Variants in PTGFRN observed in about 807,000 individuals in gnomAD.
PTGFRN encodes the protein prostaglandin F2 receptor negative regulator.
In PTGFRN, 35 loss-of-function variants were observed where a neutral mutation model predicts 83.2. The ratio of observed to expected loss-of-function variants is 0.42; its 90% CI spans 0.32 to 0.56. PTGFRN has a LOEUF of 0.56. Ranked by LOEUF, PTGFRN falls within the 20% of genes least tolerant of loss-of-function variation. PTGFRN has a pLI of 0.11. For synonymous variants in PTGFRN, 519 were observed against 498.6 expected (o/e 1.04, Z -0.55); for missense variants, 1,051 against 1,179.5 (o/e 0.89, Z 1.60).
At chr1:116,954,140 G>T (rs923907751) in intron 4 of PTGFRN, among the ~76,000 whole-genome samples, 1 of 151,990 alleles carries the variant, frequency 6.6e-6, no homozygotes, top group African/African-American at 2.4e-5. Context: ...TTACAGGTGT[G>T]AGCCACCGTG....
At chr1:116,930,693 A>G (rs1649772250) in intron 1 of PTGFRN, among the ~76,000 whole-genome samples, 1 of 151,836 alleles carries the variant, frequency 6.6e-6, no homozygotes, top group Non-Finnish European at 1.5e-5. Context: ...CCTTGTTTTC[A>G]TTATTATTAC....
chr1:116,921,595 T>C (rs895780945), intron 1 of PTGFRN, among the ~76,000 whole-genome samples: 1 of 151,902 alleles, frequency 6.6e-6, no homozygotes, highest in Non-Finnish European at 1.5e-5. Flanking sequence ...CAACTTTACT[T>C]TTCAATACAG....
chr1:116,914,996 C>G (rs1225313042), intron 1 of PTGFRN, among the ~76,000 whole-genome samples: 2 of 152,172 alleles, frequency 1.3e-5, no homozygotes, highest in Non-Finnish European at 2.9e-5. Context: ...GAGAAAGTCA[C>G]TATTTTGTCT....
At position 116,944,997 on chromosome 1, in the gene PTGFRN, G is replaced by GGTGTATCGTCAGCGA. The variant is rs1553179611; in HGVS notation, c.741_755dup (p.Cys247_Glu251dup). 1 of 1,613,792 alleles carries GGTGTATCGTCAGCGA rather than the reference G, an allele frequency of 6.2e-7. No homozygotes were observed. Among genetic ancestry groups the GGTGTATCGTCAGCGA allele is most frequent in the African/African-American group, 1.3e-5 (1 of 74,940 alleles). On this transcript the variant is annotated inframe_insertion, in exon 3 of 9. Transcript: ENST00000393203. ...CTGTCTGCCGACCAGGGCTCCTACA[G>GGTGTATCGTCAGCGA]GTGTATCGTCAGCGAGTGGATCGCC...
At chr1:116,946,265 A>G (rs964540190) in intron 3 of PTGFRN, among the ~76,000 whole-genome samples, 2 of 152,144 alleles carry the variant, frequency 1.3e-5, no homozygotes, top group Non-Finnish European at 2.9e-5. Context: ...CTGCACTTAC[A>G]CCACAGCACA....
Position 116,942,098 on chromosome 1 carries a change from T to C in PTGFRN, c.418+15T>C, listed in dbSNP as rs1372137154. 2 of 1,595,934 alleles carry C rather than the reference T, an allele frequency of 1.3e-6. No individual in the cohort carries two copies. The highest frequency in any genetic ancestry group is 1.7e-6 in the Non-Finnish European group (2 of 1,167,970). On this transcript the variant is annotated intron_variant, in intron 2 of 8. Transcript: ENST00000393203. ...GCAGGTTAAAGGTACAGTCCTCACA[T>C]GGGCTTGTTATGCCAGGGGCCAGAC... is the stretch of plus-strand genomic sequence containing the variant.
At chr1:116,985,903 T>C (rs1251503665) in intron 8 of PTGFRN, among the ~76,000 whole-genome samples, 1 of 152,158 alleles carries the variant, frequency 6.6e-6, no homozygotes, top group African/African-American at 2.4e-5. Flanking sequence ...ACAAAAAACA[T>C]GTCTCCTTTG....
intron 5 of PTGFRN, among the ~76,000 whole-genome samples, chr1:116,965,117 C>T (rs1401160711): frequency 6.6e-6 from 1 of 152,134 alleles, no homozygotes; most frequent in Non-Finnish European, 1.5e-5. Context: ...CCCCAGCACC[C>T]ACTCCATCCA....
chr1:116,922,615 A>G (rs1455663646), intron 1 of PTGFRN, among the ~76,000 whole-genome samples: 2 of 152,232 alleles, frequency 1.3e-5, no homozygotes, highest in East Asian at 3.8e-4. Flanking sequence ...GGGACCCCAC[A>G]TTCCAGCACC....
At chr1:116,976,983 C>T (rs987894241) in intron 7 of PTGFRN, among the ~76,000 whole-genome samples, 2 of 152,062 alleles carry the variant, frequency 1.3e-5, no homozygotes, top group Non-Finnish European at 2.9e-5. Context: ...AGACCCATCT[C>T]GCGTGCAGAG....
intron 4 of PTGFRN, among the ~76,000 whole-genome samples, chr1:116,950,884 A>G (rs984470816): frequency 6.6e-6 from 1 of 152,190 alleles, no homozygotes; most frequent in Admixed American, 6.5e-5. Context: ...ACCCCATGCA[A>G]GAGAGTCACT....
At chr1:116,972,694 G>A (rs560101243) in intron 6 of PTGFRN, among the ~76,000 whole-genome samples, 78 of 152,304 alleles carry the variant, frequency 5.1e-4, no homozygotes, top group African/African-American at 1.8e-3. Context: ...AAACCCAAGG[G>A]GAGTCCCATA....
At chr1:116,944,477 G>T (rs4638114) in intron 2 of PTGFRN, among the ~76,000 whole-genome samples, 15,668 of 152,128 alleles carry the variant, frequency 0.1, 949 homozygotes, top group Middle Eastern at 0.18. Flanking sequence ...CTAGCATGGG[G>T]TTTTTTTGGT....
At chr1:116,947,916 C>T (rs1349322496) in intron 3 of PTGFRN, among the ~76,000 whole-genome samples, 1 of 152,248 alleles carries the variant, frequency 6.6e-6, no homozygotes, top group African/African-American at 2.4e-5. Context: ...TTTTCTAATA[C>T]TGTGCCCACC....
chr1:116,973,066 A>G (rs753964651), intron 6 of PTGFRN, among the ~76,000 whole-genome samples: 1 of 152,048 alleles, frequency 6.6e-6, no homozygotes, highest in African/African-American at 2.4e-5. Context: ...AGCTGGGACT[A>G]CAGGTGTGCA....
chr1:116,941,635 A>C lies in PTGFRN; in HGVS notation c.50-80A>C. The stretch of plus-strand genomic sequence containing the variant: ...CGTTTCTGCCATGCCTGTGAGCAGG[A>C]GCATCCACAGGTTTGCCACATTTGT... On this transcript the variant is annotated intron_variant, in intron 1 of 8. Transcript: ENST00000393203. This position sits in a 1 kb window ranked among gnomAD's most constrained non-coding sequence, Gnocchi z 5.0. 1 of 1,507,610 alleles carries C rather than the reference A, an allele frequency of 6.6e-7. No homozygotes were observed. Among genetic ancestry groups the C allele is most frequent in the East Asian group, 2.3e-5 (1 of 44,220 alleles). 93.4% of individuals were successfully genotyped at this position (1,507,610 alleles called of 1,614,324 possible). A position where few individuals can be genotyped will look rare whatever the true frequency, so the allele number is the denominator to read the frequency against.
intron 6 of PTGFRN, among the ~76,000 whole-genome samples, chr1:116,969,752 G>T (rs150463016): frequency 1.3e-5 from 2 of 152,026 alleles, no homozygotes; most frequent in Non-Finnish European, 2.9e-5. Flanking sequence ...ATTTATTTAG[G>T]TATTTAAATT....
chr1:116,967,186 C>A lies in PTGFRN; in HGVS notation c.1915C>A (p.Arg639Ser). The A allele has an allele frequency of 1.2e-6, 2 of 1,614,134 alleles. No individual in the cohort carries two copies. Among genetic ancestry groups the A allele is most frequent in the Non-Finnish European group, 1.7e-6 (2 of 1,180,042 alleles). ...VLEKVQEDEF[R>S]YRMYQTQVSD... ...AGAAAAAGTGCAGGAGGATGAGTTC[C>A]GCTATCGAATGTACCAGACTCAGGT... is the stretch of plus-strand genomic sequence containing the variant. Residue 639 changes from arginine (R) to serine (S), a missense_variant, in exon 6 of 9, where the codon CGC becomes AGC. Coordinates refer to ENST00000393203, the MANE Select transcript of PTGFRN (RefSeq NM_020440.4).
In PTGFRN at chr1:116,987,140, T is replaced by G. The variant is rs1651521492; in HGVS notation, c.*173T>G. 6 of 678,038 alleles carry G rather than the reference T, an allele frequency of 8.8e-6. No homozygotes were observed. The South Asian group carries it at 9.8e-5, about 11-fold the overall frequency. The allele number at this position is 678,038 out of a possible 1,614,324, so 42.0% of individuals were successfully genotyped here. ...GTCAAGTTCTGAGCGCGGACATGTTTACCAGCACACGGCTCTTCTTCCCAC... is the reference window on the plus strand; with the variant it reads ...GTCAAGTTCTGAGCGCGGACATGTTGACCAGCACACGGCTCTTCTTCCCAC... On this transcript the variant is annotated 3_prime_UTR_variant, in exon 9 of 9. Transcript: ENST00000393203.
Sources: gnomAD v4.1 joint callset for allele counts (sites outside exome capture counted in the v4.1 genomes callset) on GRCh38, gnomAD v4.1.1 for gene constraint, Gnocchi (gnomAD v3.1) non-coding constraint, MANE v1.5 for transcripts, NCBI Gene and HGNC (gene_info 2026-07-23, HGNC 2026-07-21) for gene names.